The following AK4 variants were observed in gnomAD, a reference collection of about 807,000 sequenced individuals.
AK4 encodes the protein adenylate kinase 4, also known as adenylate kinase 4, mitochondrial.
In AK4, 13 loss-of-function variants were observed where a neutral mutation model predicts 24.6. The ratio of observed to expected loss-of-function variants is 0.53; its 90% CI spans 0.34 to 0.84. The LOEUF is 0.84. Ranked by LOEUF, AK4 falls within the 40% of genes least tolerant of loss-of-function variation. The pLI is 0.01. For synonymous variants in AK4, 88 were observed against 107.0 expected, an observed-to-expected ratio of 0.82 and a Z score of 1.10; for missense variants, 192 against 288.2, an observed-to-expected ratio of 0.67 and a Z score of 2.42.
At chr1:65,171,059 G>T (rs1650503649) in intron 1 of AK4, among the ~76,000 whole-genome samples, 1 of 147,216 alleles carries the variant, frequency 6.8e-6, no homozygotes, top group Non-Finnish European at 1.5e-5. Context: ...TCACTCAAGA[G>T]ATCTTCCAAC....
intron 2 of AK4, among the ~76,000 whole-genome samples, chr1:65,210,393 C>T (rs74932867): frequency 1.3e-5 from 2 of 152,130 alleles, no homozygotes; most frequent in South Asian, 2.1e-4. Flanking sequence ...CTTTTATATC[C>T]GCTTCGGTTT....
intron 2 of AK4, among the ~76,000 whole-genome samples, chr1:65,196,975 T>G (rs1003262695): frequency 6.6e-6 from 1 of 152,152 alleles, no homozygotes; most frequent in Non-Finnish European, 1.5e-5. Context: ...AGAGACAGCT[T>G]GGCAGGGAAA....
chr1:65,162,682 A>G (rs937890489), intron 1 of AK4, among the ~76,000 whole-genome samples: 2 of 152,124 alleles, frequency 1.3e-5, no homozygotes, highest in Non-Finnish European at 2.9e-5. Context: ...CTCTACAAAA[A>G]AAAAAAGTGT....
intron 2 of AK4, among the ~76,000 whole-genome samples, chr1:65,199,236 T>C (rs1030033299): frequency 6.6e-6 from 1 of 152,102 alleles, no homozygotes; most frequent in African/African-American, 2.4e-5. Flanking sequence ...AGTTATTTGT[T>C]GAGTTTGGTT....
intron 1 of AK4, among the ~76,000 whole-genome samples, chr1:65,178,375 G>A (rs967908741): frequency 1.3e-5 from 2 of 152,284 alleles, no homozygotes; most frequent in Non-Finnish European, 1.5e-5. Context: ...TCTGCCCACC[G>A]AGCTGTGTTC....
intron 1 of AK4, among the ~76,000 whole-genome samples, chr1:65,189,861 C>T (rs543061689): frequency 6.6e-6 from 1 of 152,354 alleles, no homozygotes; most frequent in Non-Finnish European, 1.5e-5. Context: ...TGGCATTCCA[C>T]TAACAACACT....
At chr1:65,166,132 T>C (rs1445333917) in intron 1 of AK4, 1 of 152,216 alleles carries the variant, frequency 6.6e-6, no homozygotes, top group Non-Finnish European at 1.5e-5. Flanking sequence ...GGGAAGTTAA[T>C]TAAACTTGAT....
chr1:65,185,673 G>A (rs577404048), intron 1 of AK4, among the ~76,000 whole-genome samples: 271 of 149,890 alleles, frequency 1.8e-3, no homozygotes, highest in African/African-American at 6.4e-3. Context: ...ACCTAGGCTG[G>A]CGTGATCTTG....
intron 2 of AK4, among the ~76,000 whole-genome samples, chr1:65,214,632 A>G (rs1652069524): frequency 6.6e-6 from 1 of 152,150 alleles, no homozygotes; most frequent in African/African-American, 2.4e-5. Flanking sequence ...TGAGTCCTGA[A>G]TGTGTCTACC....
intron 3 of AK4, among the ~76,000 whole-genome samples, chr1:65,219,242 A>G (rs1012145186): frequency 5.3e-5 from 8 of 151,884 alleles, no homozygotes; most frequent in Non-Finnish European, 8.8e-5. Flanking sequence ...CTAAAAGTCT[A>G]TTGCTGGTGG....
chr1:65,184,962 T>C (rs1264923440), intron 1 of AK4, among the ~76,000 whole-genome samples: 1 of 152,190 alleles, frequency 6.6e-6, no homozygotes, highest in Non-Finnish European at 1.5e-5. Flanking sequence ...GCTGCAAAAG[T>C]ATGCTGCACT....
At chr1:65,178,584 T>C (rs1199073929) in intron 1 of AK4, among the ~76,000 whole-genome samples, 1 of 152,056 alleles carries the variant, frequency 6.6e-6, no homozygotes, top group Non-Finnish European at 1.5e-5. Context: ...CAAGGTAAGA[T>C]AGGAGAAAAA....
At chr1:65,204,252 GT>G (rs1651749800) in intron 2 of AK4, among the ~76,000 whole-genome samples, 1 of 150,462 alleles carries the variant, frequency 6.6e-6, no homozygotes, top group Non-Finnish European at 1.5e-5. Flanking sequence ...CCAGGCTGGA[GT>G]GCAGTGGCAC....
At chr1:65,193,518 C>T (rs1490741581) in intron 2 of AK4, among the ~76,000 whole-genome samples, 1 of 152,126 alleles carries the variant, frequency 6.6e-6, no homozygotes, top group East Asian at 1.9e-4. Context: ...CATGCTTTTC[C>T]ACTCTTTACA....
chr1:65,154,852 A>ATTT (rs71056081), intron 1 of AK4, among the ~76,000 whole-genome samples: 4 of 146,840 alleles, frequency 2.7e-5, no homozygotes, highest in African/African-American at 1.0e-4. Context: ...CATAGGGAGA[A>ATTT]TTTTTTTTTT....
intron 2 of AK4, among the ~76,000 whole-genome samples, chr1:65,204,730 T>A (rs1292459315): frequency 6.6e-6 from 1 of 152,236 alleles, no homozygotes; most frequent in African/African-American, 2.4e-5. Context: ...AGGGAACTTA[T>A]ACTTCCTTTA....
intron 2 of AK4, among the ~76,000 whole-genome samples, chr1:65,201,487 C>T (rs1343177525): frequency 6.6e-6 from 1 of 152,120 alleles, no homozygotes; most frequent in Non-Finnish European, 1.5e-5. Context: ...CATATGTATA[C>T]ACATATTTGA....
At chr1:65,222,522 A>G (rs901947086) in intron 3 of AK4, among the ~76,000 whole-genome samples, 1 of 152,162 alleles carries the variant, frequency 6.6e-6, no homozygotes, top group Non-Finnish European at 1.5e-5. Flanking sequence ...CTGTTGCTCT[A>G]GCATCATTCT....
chr1:65,151,540 C>T (rs1649771276), intron 1 of AK4, among the ~76,000 whole-genome samples: 1 of 152,160 alleles, frequency 6.6e-6, no homozygotes, highest in Non-Finnish European at 1.5e-5. Context: ...TGCACCTGGC[C>T]CATTCTTGGG....
Sources: gnomAD v4.1 joint callset for allele counts (sites outside exome capture counted in the v4.1 genomes callset) on GRCh38, gnomAD v4.1.1 for gene constraint, MANE v1.5 for transcripts, NCBI Gene and HGNC (gene_info 2026-07-23, HGNC 2026-07-21) for gene names.